The following TAPT1 variants were observed in gnomAD, a reference collection of about 807,000 sequenced individuals.
TAPT1 encodes the protein transmembrane anterior posterior transformation 1, also known as transmembrane anterior posterior transformation protein 1 homolog.
TAPT1 carries 28 observed loss-of-function variants against 65.6 expected under a neutral mutation model. The observed-to-expected ratio is 0.43, with a 90% CI of 0.32 to 0.59. The LOEUF is 0.59. Ranked by LOEUF, TAPT1 falls within the 20% of genes least tolerant of loss-of-function variation. The pLI, the probability that TAPT1 is intolerant of heterozygous loss-of-function variation, is 0.09. For synonymous variants in TAPT1, 278 were observed against 245.2 expected (o/e 1.13, Z -1.25); for missense variants, 563 against 679.9 (o/e 0.83, Z 1.91).
At chr4:16,204,699 G>A (rs545381526) in intron 2 of TAPT1, among the ~76,000 whole-genome samples, 1 of 152,308 alleles carries the variant, frequency 6.6e-6, no homozygotes, top group Non-Finnish European at 1.5e-5. Context: ...GTGCATGGCC[G>A]CAGTCTAGTA....
In TAPT1 at chr4:16,213,885, C is replaced by T. The variant is rs1560187186; in HGVS notation, c.213G>A (p.Leu71=). The change falls in exon 2 of 14, where the codon TTG becomes TTA. Residue 71 remains leucine (L), a synonymous_variant. Transcript: ENST00000405303. ...TTGTTAGTTCAGCACTGAGGAACCTCAACAATGAAAGCTCTACAGAAAAGA... is the reference window on the plus strand; with the variant it reads ...TTGTTAGTTCAGCACTGAGGAACCTTAACAATGAAAGCTCTACAGAAAAGA... ...RRRGRTELSL[L]RFLSAELTRG... 2 of 1,591,046 alleles carry T rather than the reference C, an allele frequency of 1.3e-6. No individual in the cohort carries two copies. Among genetic ancestry groups the T allele is most frequent in the South Asian group, 2.3e-5 (2 of 86,516 alleles).
intron 13 of TAPT1, among the ~76,000 whole-genome samples, chr4:16,165,163 T>C (rs1747518553): frequency 6.6e-6 from 1 of 152,186 alleles, no homozygotes; most frequent in Non-Finnish European, 1.5e-5. Flanking sequence ...CCAAACCCTC[T>C]GCTCACCTAT....
At chr4:16,206,658 C>A (rs997785526) in intron 2 of TAPT1, among the ~76,000 whole-genome samples, 2 of 151,876 alleles carry the variant, frequency 1.3e-5, no homozygotes, top group Non-Finnish European at 2.9e-5. Flanking sequence ...GCAGAGAGGA[C>A]AGTACGGAAG....
At chr4:16,190,703 A>C (rs1749317943) in intron 4 of TAPT1, 2 of 154,846 alleles carry the variant, frequency 1.3e-5, no homozygotes, top group African/African-American at 4.8e-5. Flanking sequence ...AAACTTGTGA[A>C]TATCTGGCTT....
intron 13 of TAPT1, among the ~76,000 whole-genome samples, chr4:16,164,549 A>G (rs1747457872): frequency 6.6e-6 from 1 of 152,166 alleles, no homozygotes; most frequent in Non-Finnish European, 1.5e-5. Context: ...TTTTATCCCC[A>G]TTAGACTGGA....
chr4:16,200,475 C>T (rs1749964648), intron 3 of TAPT1, among the ~76,000 whole-genome samples: 1 of 152,092 alleles, frequency 6.6e-6, no homozygotes, highest in African/African-American at 2.4e-5. Context: ...CAGACATGTG[C>T]CACCATGTCT....
chr4:16,211,733 T>G (rs1750664091), intron 2 of TAPT1, among the ~76,000 whole-genome samples: 2 of 152,198 alleles, frequency 1.3e-5, no homozygotes, highest in Non-Finnish European at 2.9e-5. Flanking sequence ...GAAACAATAC[T>G]TATTCTTAGT....
upstream of TAPT1, chr4:16,227,244 A>G (rs1276552414): frequency 2.2e-6 from 1 of 455,274 alleles, no homozygotes; most frequent in Non-Finnish European, 4.4e-6. Flanking sequence ...GCGCCGGCGG[A>G]CTTTCCACAC....
upstream of TAPT1, chr4:16,227,058 A>G (rs1259528216): frequency 1.5e-5 from 7 of 454,240 alleles, no homozygotes; most frequent in Admixed American, 4.7e-5. Flanking sequence ...CCTGCCCGCT[A>G]TTTTGGTTCC....
chr4:16,217,418 T>C (rs57110573), intron 1 of TAPT1, among the ~76,000 whole-genome samples: 11,402 of 152,152 alleles, frequency 0.075, 1,343 homozygotes, highest in African/African-American at 0.25. Flanking sequence ...AAGAAAGAAT[T>C]AGACATAAAA....
chr4:16,222,443 C>A (rs1751305346), intron 1 of TAPT1, among the ~76,000 whole-genome samples: 1 of 152,006 alleles, frequency 6.6e-6, no homozygotes, highest in African/African-American at 2.4e-5. Flanking sequence ...TTTTATTTTT[C>A]TTTGTGAACA....
intron 4 of TAPT1, chr4:16,190,595 C>A (rs1423581610): frequency 6.5e-6 from 1 of 153,528 alleles, no homozygotes; most frequent in Non-Finnish European, 1.5e-5. Flanking sequence ...CCGCCTCAGC[C>A]TCCCCAAGTG....
intron 12 of TAPT1, among the ~76,000 whole-genome samples, chr4:16,168,876 G>C (rs1747811425): frequency 6.6e-6 from 1 of 152,274 alleles, no homozygotes; most frequent in Admixed American, 6.5e-5. Flanking sequence ...TAACGGCAGA[G>C]GCTGGCAAGT....
At chr4:16,200,556 C>T (rs999191623) in intron 3 of TAPT1, among the ~76,000 whole-genome samples, 1 of 152,142 alleles carries the variant, frequency 6.6e-6, no homozygotes, top group Non-Finnish European at 1.5e-5. Flanking sequence ...GAACTCCTGG[C>T]CTCTAGCGAT....
At chr4:16,205,482 A>G (rs1578466401) in intron 2 of TAPT1, among the ~76,000 whole-genome samples, 2 of 152,306 alleles carry the variant, frequency 1.3e-5, no homozygotes, top group South Asian at 2.1e-4. Context: ...GAGGAAAGAC[A>G]TCCTCTCCAG....
rs139348141 is a variant in TAPT1, at chr4:16,179,491, T to C, written c.997+86A>G. ...ACAGCCAAAGTCTTTTGGAGTTTTCTGCAATATTCATTTTATTCCATGTAA... is the reference window on the plus strand; with the variant it reads ...ACAGCCAAAGTCTTTTGGAGTTTTCCGCAATATTCATTTTATTCCATGTAA... On this transcript the variant is annotated intron_variant, in intron 8 of 13. Transcript: ENST00000405303. 97 of 789,384 alleles carry C rather than the reference T, an allele frequency of 1.2e-4. No individual in the cohort carries two copies. In the East Asian group the frequency reaches 2.7e-3, roughly 22 times the overall value. The allele number at this position is 789,384 out of a possible 1,614,324, so 48.9% of individuals were successfully genotyped here. A position where few individuals can be genotyped will look rare whatever the true frequency, so the allele number is the denominator to read the frequency against.
chr4:16,221,420 C>T (rs1383499899), intron 1 of TAPT1, among the ~76,000 whole-genome samples: 1 of 152,184 alleles, frequency 6.6e-6, no homozygotes, highest in East Asian at 1.9e-4. Flanking sequence ...GCCACCGCGC[C>T]CAGCCCCTCC....
chr4:16,225,928 G>A, intron 1 of TAPT1: 1 of 988,750 alleles, frequency 1.0e-6, no homozygotes, highest in Non-Finnish European at 1.2e-6. Context: ...TTTGGGCTCC[G>A]AGACGTGGGA....
chr4:16,214,696 T>C (rs949883659), intron 1 of TAPT1: 3 of 152,240 alleles, frequency 2.0e-5, no homozygotes, highest in Non-Finnish European at 4.4e-5. Context: ...ACTTCCCTGA[T>C]AGCCCATCCC....
Sources: gnomAD v4.1 joint callset for allele counts (sites outside exome capture counted in the v4.1 genomes callset) on GRCh38, gnomAD v4.1.1 for gene constraint, MANE v1.5 for transcripts, NCBI Gene and HGNC (gene_info 2026-07-23, HGNC 2026-07-21) for gene names.